Variants in PDZRN4 observed in about 807,000 individuals in gnomAD.
PDZRN4 encodes PDZ domain containing ring finger 4, also known as PDZ domain-containing RING finger protein 4.
Under a neutral mutation model 99.0 loss-of-function variants are expected in PDZRN4, and 70 were observed. The observed-to-expected ratio is 0.71, with a 90% CI of 0.58 to 0.86. PDZRN4 has a LOEUF of 0.86. PDZRN4 is among the 40% of genes least tolerant of loss of function. The probability of loss-of-function intolerance (pLI) is 0.00; values close to 1 mark genes in which losing one functional copy is unlikely to be tolerated. For missense variants in PDZRN4, 1,474 were observed against 1,331.2 expected (o/e 1.11, Z -1.67); for synonymous variants, 551 against 501.6 (o/e 1.10, Z -1.32).
In PDZRN4 at chr12:41,208,549, G is replaced by C. The variant is rs140964393; in HGVS notation, c.843+14361G>C. 2.3e-3 allele frequency among the ~76,000 whole-genome samples: 353 copies of C among 151,938 alleles called. 6 individuals are homozygous for C. The highest frequency in any genetic ancestry group is 0.02 in the Admixed American group (301 of 15,216). On this transcript the variant is annotated intron_variant, in intron 3 of 9. Coordinates refer to ENST00000402685, the MANE Select transcript of PDZRN4 (RefSeq NM_001164595.2). ...GCAGCTGAAGAAACTTGACCTTTTA[G>C]AATAATCACAACCTAATGCATTTGC...
At chr12:41,237,528 A>T (rs1008353668) in intron 3 of PDZRN4, among the ~76,000 whole-genome samples, 1 of 152,156 alleles carries the variant, frequency 6.6e-6, no homozygotes, top group Non-Finnish European at 1.5e-5. Context: ...CATTTTTGTC[A>T]TGAAATATTT....
intron 3 of PDZRN4, among the ~76,000 whole-genome samples, chr12:41,270,613 A>G (rs11180566): frequency 0.12 from 18,354 of 152,110 alleles, 1,941 homozygotes; most frequent in African/African-American, 0.28. Context: ...TCTTCACTGC[A>G]GTCAGAATTC....
chr12:41,376,518 A>G (rs553986179), intron 3 of PDZRN4, among the ~76,000 whole-genome samples: 1 of 152,104 alleles, frequency 6.6e-6, no homozygotes, highest in South Asian at 2.1e-4. Flanking sequence ...CTGGCCATCC[A>G]TATGTCTTCT....
intron 3 of PDZRN4, among the ~76,000 whole-genome samples, chr12:41,306,874 T>G (rs371698116): frequency 3.3e-5 from 5 of 152,200 alleles, no homozygotes; most frequent in African/African-American, 1.2e-4. Context: ...AAGATACTCC[T>G]CATTTCCATC....
intron 3 of PDZRN4, among the ~76,000 whole-genome samples, chr12:41,201,981 C>T (rs1472942922): frequency 6.6e-6 from 1 of 152,156 alleles, no homozygotes; most frequent in Non-Finnish European, 1.5e-5. Context: ...ACTTGAACAA[C>T]CCTGGTAAAG....
intron 7 of PDZRN4, among the ~76,000 whole-genome samples, chr12:41,562,888 G>A (rs1308092339): frequency 2.6e-5 from 4 of 151,968 alleles, no homozygotes; most frequent in East Asian, 3.9e-4. Context: ...TTAAATTTAA[G>A]AGATGAGTCT....
chr12:41,363,876 G>A (rs1951979167), intron 3 of PDZRN4, among the ~76,000 whole-genome samples: 1 of 152,054 alleles, frequency 6.6e-6, no homozygotes, highest in African/African-American at 2.4e-5. Context: ...TGAGAAAGTG[G>A]TTAAACGTGT....
rs144965198 is a variant in PDZRN4 at position 41,285,028 on chromosome 12, G to C, written c.843+90840G>C. 7.8e-4 allele frequency among the ~76,000 whole-genome samples: 119 copies of C among 152,178 alleles called. 3 individuals are homozygous for C. Among genetic ancestry groups the C allele is most frequent in the African/African-American group, 2.8e-3 (115 of 41,542 alleles). On this transcript the variant is annotated intron_variant, in intron 3 of 9. Transcript: ENST00000402685. ...AAATGGGATGTAATTAAACTAAAGA[G>C]CTTCTGTACAGCAAAAGAAACTATC...
chr12:41,574,344 A>G lies in PDZRN4; in HGVS notation c.*454A>G, dbSNP rs911454922. ...AAATCAAACCTGTTCGTAATAAATCATGTGCCACATCTTGTCTTACACATA... is the reference window on the plus strand; with the variant it reads ...AAATCAAACCTGTTCGTAATAAATCGTGTGCCACATCTTGTCTTACACATA... On this transcript the variant is annotated 3_prime_UTR_variant, in exon 10 of 10. Transcript: ENST00000402685. The G allele has an allele frequency of 6.5e-6, 1 of 153,230 alleles. No individual in the cohort carries two copies. The highest frequency in any genetic ancestry group is 2.4e-5 in the African/African-American group (1 of 41,460). 9.5% of individuals were successfully genotyped at this position (153,230 alleles called of 1,614,324 possible).
At chr12:41,413,624 T>A (rs1687187968) in intron 3 of PDZRN4, among the ~76,000 whole-genome samples, 1 of 152,182 alleles carries the variant, frequency 6.6e-6, no homozygotes, top group South Asian at 2.1e-4. Context: ...CATATAATGT[T>A]TATTCATTGT....
chr12:41,497,553 C>T (rs1938031729), intron 3 of PDZRN4, among the ~76,000 whole-genome samples: 1 of 152,052 alleles, frequency 6.6e-6, no homozygotes, highest in South Asian at 2.1e-4. Context: ...GTGGGATCTT[C>T]TCCAAAGATT....
intron 3 of PDZRN4, among the ~76,000 whole-genome samples, chr12:41,219,730 G>A (rs1566369533): frequency 6.6e-6 from 1 of 152,036 alleles, no homozygotes; most frequent in Non-Finnish European, 1.5e-5. Context: ...ATGAGCTGTG[G>A]GTATTTGCTG....
At chr12:41,214,286 A>G (rs1355202060) in intron 3 of PDZRN4, among the ~76,000 whole-genome samples, 2 of 146,162 alleles carry the variant, frequency 1.4e-5, no homozygotes, top group Non-Finnish European at 3.0e-5. Context: ...AAAGTTAACC[A>G]GGCATGGTGG....
At chr12:41,302,514 G>C (rs1043468912) in intron 3 of PDZRN4, among the ~76,000 whole-genome samples, 11 of 152,166 alleles carry the variant, frequency 7.2e-5, no homozygotes, top group East Asian at 3.9e-4. Flanking sequence ...AAAGATGTAA[G>C]GATACTATTG....
chr12:41,440,947 A>C (rs1952674154), intron 3 of PDZRN4, among the ~76,000 whole-genome samples: 1 of 152,212 alleles, frequency 6.6e-6, no homozygotes, highest in East Asian at 1.9e-4. Flanking sequence ...GAGAGCTACA[A>C]TAGCTTGTTA....
chr12:41,251,840 G>T (rs951855878), intron 3 of PDZRN4, among the ~76,000 whole-genome samples: 1 of 152,120 alleles, frequency 6.6e-6, no homozygotes, highest in Non-Finnish European at 1.5e-5. Context: ...ATAAGGCGAG[G>T]CATGGTGGCT....
intron 3 of PDZRN4, among the ~76,000 whole-genome samples, chr12:41,364,121 T>G (rs556155353): frequency 6.6e-6 from 1 of 152,228 alleles, no homozygotes; most frequent in Admixed American, 6.5e-5. Context: ...ATAAGGCATT[T>G]GGTGGCCTTA....
At chr12:41,205,958 A>G (rs564815226) in intron 3 of PDZRN4, among the ~76,000 whole-genome samples, 2 of 152,056 alleles carry the variant, frequency 1.3e-5, no homozygotes, top group African/African-American at 4.8e-5. Context: ...GCTATTCTTT[A>G]GAGTTCAACT....
At chr12:41,555,220 G>T (rs1482746004) in intron 6 of PDZRN4, among the ~76,000 whole-genome samples, 1 of 22,678 alleles carries the variant, frequency 4.4e-5, no homozygotes, top group Non-Finnish European at 1.1e-4. Context: ...GACAGAGCCA[G>T]ACTCTGTCTC....
Sources: gnomAD v4.1 joint callset for allele counts (sites outside exome capture counted in the v4.1 genomes callset) on GRCh38, gnomAD v4.1.1 for gene constraint, MANE v1.5 for transcripts, NCBI Gene and HGNC (gene_info 2026-07-23, HGNC 2026-07-21) for gene names.